Variants in WNK2 observed in about 807,000 individuals in gnomAD.
The protein encoded by WNK2 is WNK lysine deficient protein kinase 2.
A neutral mutation model predicts 192.1 loss-of-function variants in WNK2; 67 were observed. The ratio of observed to expected loss-of-function variants is 0.35; its 90% CI spans 0.29 to 0.43. The LOEUF (loss-of-function observed/expected upper bound fraction) is 0.43. WNK2 is among the 20% of genes least tolerant of loss of function. The pLI is 1.00. For synonymous variants in WNK2, 1,439 were observed against 1,393.9 expected (o/e 1.03, Z -0.72); for missense variants, 2,698 against 3,089.7 (o/e 0.87, Z 3.01).
rs769940540 is a variant in WNK2 at position 93,317,839 on chromosome 9, G to A, written c.6628+208G>A. 46 of 1,512,798 alleles carry A rather than the reference G, an allele frequency of 3.0e-5. No homozygotes were observed. The South Asian group carries it at 3.7e-4, about 12-fold the overall frequency. The allele number at this position is 1,512,798 out of a possible 1,614,324, so 93.7% of individuals were successfully genotyped here. Reference sequence around the variant, plus strand: ...GTCAGCATGCCTGGCCCCCGGCTGCGGATCACGTAGCCTTCTGCCCTGTCC... The same window carrying A: ...GTCAGCATGCCTGGCCCCCGGCTGCAGATCACGTAGCCTTCTGCCCTGTCC... On this transcript the variant is annotated intron_variant, in intron 29 of 29. Transcript: ENST00000427277.
chr9:93,307,231 C>T (rs571807401), intron 27 of WNK2: 106 of 184,754 alleles, frequency 5.7e-4, no homozygotes, highest in African/African-American at 2.2e-3. Context: ...TCACCTCTCT[C>T]TCTCTCTCAT....
intron 19 of WNK2, among the ~76,000 whole-genome samples, chr9:93,273,343 G>T (rs759741908): frequency 6.6e-6 from 1 of 152,154 alleles, no homozygotes. Context: ...TTTTAGTAGA[G>T]ACAGGGTTTC....
intron 2 of WNK2, among the ~76,000 whole-genome samples, chr9:93,224,791 T>C (rs1461413811): frequency 3.3e-5 from 5 of 152,138 alleles, no homozygotes; most frequent in Non-Finnish European, 7.4e-5. Context: ...GGGCATCACA[T>C]TGAGTGAGCA....
chr9:93,254,329 C>G (rs907874075), intron 9 of WNK2, among the ~76,000 whole-genome samples: 1 of 152,240 alleles, frequency 6.6e-6, no homozygotes. Context: ...CTTCTTCCCT[C>G]GTGAGCAGCT....
At chr9:93,303,321 AG>A (rs1219367115) in intron 26 of WNK2, among the ~76,000 whole-genome samples, 1 of 152,168 alleles carries the variant, frequency 6.6e-6, no homozygotes, top group Non-Finnish European at 1.5e-5. Flanking sequence ...TCTGCTTGTC[AG>A]AAGCTGGGGT....
At chr9:93,188,261 T>A (rs908447829) in intron 2 of WNK2, among the ~76,000 whole-genome samples, 1 of 152,158 alleles carries the variant, frequency 6.6e-6, no homozygotes, top group Middle Eastern at 3.2e-3. Context: ...CCTGGAGAAC[T>A]GAGAGGCGCC....
At chr9:93,299,414 G>A (rs572566104) in intron 25 of WNK2, among the ~76,000 whole-genome samples, 153 bp downstream of exon 25, 1 of 152,230 alleles carries the variant, frequency 6.6e-6, no homozygotes, top group East Asian at 1.9e-4. Context: ...AAAAAAAGGT[G>A]TAGTCTTTGG....
chr9:93,301,086 G>T (rs1851516955), intron 26 of WNK2, among the ~76,000 whole-genome samples: 1 of 152,248 alleles, frequency 6.6e-6, no homozygotes, highest in Admixed American at 6.5e-5. Flanking sequence ...AACACAGTTA[G>T]TGCCCAGGAA....
At chr9:93,194,537 A>C (rs1214325643) in intron 2 of WNK2, among the ~76,000 whole-genome samples, 1 of 152,218 alleles carries the variant, frequency 6.6e-6, no homozygotes, top group Admixed American at 6.5e-5. Flanking sequence ...GAATGGTCAA[A>C]ATCTAGAACA....
At position 93,262,052 on chromosome 9, in the gene WNK2, C is replaced by A. The variant is rs779867666; in HGVS notation, c.3305C>A (p.Pro1102His). ...PPANPPLPGG[P>H]GIASPCPTVQ... ...GCAAACCCACCGCTGCCTGGCGGGC[C>A]CGGGATCGCCAGCCCTTGCCCAACT... The change falls in exon 13 of 30, where the codon CCC (proline) becomes CAC (histidine). Residue 1102 changes from proline to histidine, a missense_variant. Pro to His is a moderately conservative substitution (Grantham distance 77, BLOSUM62 -2). This residue lies in a region of WNK2 where 893 missense variants were observed against 909.0 expected (regional missense o/e 0.98). Transcript: ENST00000427277. 6.2e-7 allele frequency: 1 copy of A among 1,609,986 alleles called. No homozygotes were observed.
chr9:93,234,092 G>A (rs538173323), intron 4 of WNK2, among the ~76,000 whole-genome samples: 31 of 152,320 alleles, frequency 2.0e-4, no homozygotes, highest in African/African-American at 5.1e-4. Context: ...CAGCCAGCAC[G>A]TCTAGCCTCA....
intron 2 of WNK2, among the ~76,000 whole-genome samples, chr9:93,210,486 C>G (rs1430298000): frequency 6.6e-6 from 1 of 152,104 alleles, no homozygotes; most frequent in Non-Finnish European, 1.5e-5. Flanking sequence ...GCCCATTGAA[C>G]CCAGGTGCTG....
intron 28 of WNK2, among the ~76,000 whole-genome samples, chr9:93,312,481 TCTC>T (rs1174226342): frequency 2.0e-5 from 3 of 151,980 alleles, no homozygotes; most frequent in African/African-American, 7.3e-5. Flanking sequence ...TTCAAGCAAT[TCTC>T]CTGCCTCAGC....
chr9:93,308,300 C>A, intron 27 of WNK2, 28 bp from the exon 28 acceptor site: 1 of 1,543,328 alleles, frequency 6.5e-7, no homozygotes, highest in South Asian at 1.2e-5. Flanking sequence ...GTGGCGTCAC[C>A]AATCCTGGCC....
intron 9 of WNK2, among the ~76,000 whole-genome samples, 185 bp from the exon 10 acceptor site, chr9:93,256,113 TC>T (rs1448686182): frequency 6.6e-6 from 1 of 152,180 alleles, no homozygotes; most frequent in African/African-American, 2.4e-5. Context: ...GCTGTGCTGT[TC>T]CTGGCCCTTC....
Position 93,259,232 on chromosome 9 carries a change from C to T in WNK2, c.2684C>T (p.Ala895Val). 1 of 1,613,314 alleles carries T rather than the reference C, an allele frequency of 6.2e-7. No homozygotes were observed. The change falls in exon 12 of 30, where the codon GCT (alanine) becomes GTT (valine). Residue 895 changes from alanine (A) to valine (V), a missense_variant. Coordinates refer to ENST00000427277, the MANE Select transcript of WNK2 (RefSeq NM_006648.4). The surrounding 1 kb of genome is among the most constrained non-coding windows in gnomAD (Gnocchi z 4.8). ...PLLAVAPPGVAALSIHSAVAQ... is the reference protein window; with the variant it reads ...PLLAVAPPGVVALSIHSAVAQ... ...CTGGCCGTAGCCCCACCGGGCGTGG[C>T]TGCCCTGTCCATTCATTCTGCCGTG...
At position 93,292,392 on chromosome 9, in the gene WNK2, C is replaced by G; in HGVS notation, c.5021C>G (p.Pro1674Arg). 1 of 1,613,960 alleles carries G rather than the reference C, an allele frequency of 6.2e-7. No homozygotes were observed. Among genetic ancestry groups the G allele is most frequent in the Non-Finnish European group, 8.5e-7 (1 of 1,179,876 alleles). ...GACTCCCATGTGGTCCCCAGCGTCC[C>G]CCAGGTAAGGGCGACTTGACGACCC... is the stretch of plus-strand genomic sequence containing the variant. ...ASDSHVVPSV[P>R]QDVPAFVRPA... The change falls in exon 22 of 30, where the codon CCC (proline) becomes CGC (arginine). Residue 1674 changes from proline (P) to arginine (R), a missense_variant. Pro to Arg is a moderately radical substitution (Grantham distance 103). Coordinates refer to ENST00000427277, the MANE Select transcript of WNK2 (RefSeq NM_006648.4).
At chr9:93,209,578 T>C (rs981631670) in intron 2 of WNK2, among the ~76,000 whole-genome samples, 1 of 152,044 alleles carries the variant, frequency 6.6e-6, no homozygotes, top group African/African-American at 2.4e-5. Flanking sequence ...GGGGGTTCTG[T>C]AGGGTTTTGG....
At chr9:93,188,660 A>G (rs1829781209) in intron 2 of WNK2, among the ~76,000 whole-genome samples, 1 of 152,206 alleles carries the variant, frequency 6.6e-6, no homozygotes, top group Non-Finnish European at 1.5e-5. Flanking sequence ...ATCTTTGGCC[A>G]GCCCTGGTTC....
Sources: allele counts gnomAD v4.1 joint callset (sites outside exome capture counted in the v4.1 genomes callset), GRCh38; gene constraint gnomAD v4.1.1; regional missense constraint gnomAD v4.1.1; non-coding constraint Gnocchi (gnomAD v3.1); transcripts MANE v1.5; gene names NCBI Gene and HGNC (gene_info 2026-07-23, HGNC 2026-07-21).